CLEC4A: variants seen among roughly 807,000 people sequenced by gnomAD.
The protein encoded by CLEC4A is C-type lectin domain family 4 member A.
In CLEC4A, 27 loss-of-function variants were observed where a neutral mutation model predicts 32.7. The ratio of observed to expected loss-of-function variants is 0.83; its 90% CI spans 0.61 to 1.14. The LOEUF (loss-of-function observed/expected upper bound fraction) is 1.14, where lower values mean the gene tolerates loss of function less well. Among genes scored for constraint, CLEC4A ranks in the 50% most tolerant of loss-of-function variants. The probability of loss-of-function intolerance (pLI) is 0.00; values close to 1 mark genes in which losing one functional copy is unlikely to be tolerated. For synonymous variants in CLEC4A, 89 were observed against 93.7 expected (o/e 0.95, Z 0.29); for missense variants, 253 against 274.6 (o/e 0.92, Z 0.55).
the CLEC4A span, among the ~76,000 whole-genome samples, chr12:8,114,394 G>A: frequency 5.9e-5 from 9 of 152,094 alleles, no homozygotes; most frequent in East Asian, 1.9e-4. Context: ...ACAGGCGCCC[G>A]CCACCACGCC....
the CLEC4A span, among the ~76,000 whole-genome samples, chr12:8,116,886 C>G: frequency 1.3e-5 from 2 of 152,104 alleles, no homozygotes; most frequent in African/African-American, 4.8e-5. Flanking sequence ...TGGGTATCCT[C>G]CATATATTTC....
intron 3 of CLEC4A, chr12:8,134,028 C>T (rs1289369824): frequency 6.2e-7 from 1 of 1,602,210 alleles, no homozygotes; most frequent in Non-Finnish European, 8.5e-7. Flanking sequence ...CAGAACCACA[C>T]TCGGACCACA....
the CLEC4A span, among the ~76,000 whole-genome samples, chr12:8,109,303 G>T: frequency 6.6e-6 from 1 of 151,970 alleles, no homozygotes; most frequent in Non-Finnish European, 1.5e-5. Flanking sequence ...ACTTGAATGG[G>T]GAATATACTT....
At chr12:8,130,437 A>G (rs982656118) in intron 3 of CLEC4A, among the ~76,000 whole-genome samples, 1 of 152,180 alleles carries the variant, frequency 6.6e-6, no homozygotes, top group African/African-American at 2.4e-5. Flanking sequence ...CAGTAGTGTG[A>G]CCACAGCTCA....
intron 3 of CLEC4A, chr12:8,134,777 C>T (rs1437004047): frequency 2.0e-5 from 31 of 1,553,482 alleles, no homozygotes; most frequent in African/African-American, 2.7e-5. Context: ...AGCCCGGCTC[C>T]GGCCCCCCTG....
At chr12:8,127,852 A>G (rs1389581053) in intron 2 of CLEC4A, among the ~76,000 whole-genome samples, 1 of 152,224 alleles carries the variant, frequency 6.6e-6, no homozygotes. Flanking sequence ...TAAGTTTTTC[A>G]AAGAGGTAGA....
At chr12:8,128,599 C>T (rs772581603) in intron 2 of CLEC4A, among the ~76,000 whole-genome samples, 7 of 152,124 alleles carry the variant, frequency 4.6e-5, no homozygotes, top group South Asian at 4.2e-4. Context: ...TGAGTAGAGA[C>T]GAGGTTTCAC....
the CLEC4A span, among the ~76,000 whole-genome samples, chr12:8,108,758 T>C: frequency 1.3e-5 from 2 of 152,218 alleles, no homozygotes; most frequent in Non-Finnish European, 2.9e-5. Flanking sequence ...TCTGAGCCAG[T>C]AGTGAAATAA....
chr12:8,118,691 C>G (rs1351276706), upstream of CLEC4A, among the ~76,000 whole-genome samples: 1 of 152,170 alleles, frequency 6.6e-6, no homozygotes, highest in African/African-American at 2.4e-5. Flanking sequence ...CAGTCACCTC[C>G]TACCAGGCCC....
At chr12:8,112,567 A>T in the CLEC4A span, among the ~76,000 whole-genome samples, 1 of 151,580 alleles carries the variant, frequency 6.6e-6, no homozygotes, top group African/African-American at 2.4e-5. Flanking sequence ...CTCTTTTCAT[A>T]TATTTATTTA....
At chr12:8,120,162 C>T (rs1307688153), upstream of CLEC4A, among the ~76,000 whole-genome samples, 1 of 152,028 alleles carries the variant, frequency 6.6e-6, no homozygotes, top group African/African-American at 2.4e-5. Context: ...TACTGGGGTC[C>T]ATTATGTAGG....
At position 8,136,782 on chromosome 12, in the gene CLEC4A, C is replaced by A; in HGVS notation, c.451-6C>A. 1 of 1,579,248 alleles carries A rather than the reference C, an allele frequency of 6.3e-7. No individual in the cohort carries two copies. Among genetic ancestry groups the A allele is most frequent in the Non-Finnish European group, 8.7e-7 (1 of 1,148,590 alleles). ...AAGGCTGTGACTCCTTCTTTTCCCC[C>A]CTCAGGATTTCATCTTCCAGAATCT... On this transcript the variant is annotated splice_region_variant and splice_polypyrimidine_tract_variant and intron_variant, in intron 4 of 5. Coordinates refer to ENST00000229332, the MANE Select transcript of CLEC4A (RefSeq NM_016184.4).
the CLEC4A span, among the ~76,000 whole-genome samples, chr12:8,104,509 A>G: frequency 6.6e-6 from 1 of 152,200 alleles, no homozygotes; most frequent in South Asian, 2.1e-4. Context: ...CTCTTCAAGA[A>G]ACAATCAAAC....
At chr12:8,122,705 G>GAA, upstream of CLEC4A, among the ~76,000 whole-genome samples, 1 of 152,262 alleles carries the variant, frequency 6.6e-6, no homozygotes, top group South Asian at 2.1e-4. Context: ...TGGGAAGGGA[G>GAA]AAAACTAGAA....
At chr12:8,134,951 G>GTCT in intron 3 of CLEC4A, 1 of 695,336 alleles carries the variant, frequency 1.4e-6, no homozygotes, top group Non-Finnish European at 1.8e-6. Context: ...TTTCAAGCAT[G>GTCT]TCTGTATCTT....
At position 8,135,600 on chromosome 12, in the gene CLEC4A, G is replaced by T. The variant is rs376523552; in HGVS notation, c.314G>T (p.Cys105Phe). The T allele has an allele frequency of 6.2e-7, 1 of 1,614,040 alleles. No homozygotes were observed. Among genetic ancestry groups the T allele is most frequent in the Non-Finnish European group, 8.5e-7 (1 of 1,180,002 alleles). ...CCCAATACAGAGACAGCCTGGAGCTGTTGCCCAAAGAATTGGAAGTCATTT... is the reference window on the plus strand; with the variant it reads ...CCCAATACAGAGACAGCCTGGAGCTTTTGCCCAAAGAATTGGAAGTCATTT... ...NMPVEETAWS[C>F]CPKNWKSFSS... The change falls in exon 4 of 6, where the codon TGT (cysteine) becomes TTT (phenylalanine). Residue 105 changes from cysteine to phenylalanine, a missense_variant. Cys to Phe is a radical substitution (Grantham distance 205). Coordinates refer to ENST00000229332, the MANE Select transcript of CLEC4A (RefSeq NM_016184.4).
chr12:8,107,737 T>C, the CLEC4A span, among the ~76,000 whole-genome samples: 82 of 152,068 alleles, frequency 5.4e-4, no homozygotes, highest in Admixed American at 1.2e-3. Flanking sequence ...AATGCCCTTT[T>C]TGTCATTCTG....
chr12:8,103,191 A>G, the CLEC4A span, among the ~76,000 whole-genome samples: 1 of 151,998 alleles, frequency 6.6e-6, no homozygotes, highest in South Asian at 2.1e-4. Flanking sequence ...TGTTAACCCC[A>G]AAGTAATGTT....
Position 8,125,647 on chromosome 12 carries a change from T to G in CLEC4A, c.169T>G (p.Leu57Val). The part of the protein sequence containing the change: ...CASLLIFFLL[L>V]AISFFIAFVI... ...CTCACTGTTGATATTTTTCCTGCTA[T>G]TGGCAATCTCATTCTTTATTGCTTT... Residue 57 changes from leucine (L) to valine (V), a missense_variant, in exon 2 of 6, where the codon TTG becomes GTG. By Grantham distance (32) the Leu-to-Val change is conservative (BLOSUM62 1). Coordinates refer to ENST00000229332, the MANE Select transcript of CLEC4A (RefSeq NM_016184.4). 1 of 1,611,534 alleles carries G rather than the reference T, an allele frequency of 6.2e-7. No individual in the cohort carries two copies. Among genetic ancestry groups the G allele is most frequent in the Non-Finnish European group, 8.5e-7 (1 of 1,177,660 alleles).
Sources: allele counts gnomAD v4.1 joint callset (sites outside exome capture counted in the v4.1 genomes callset), GRCh38; gene constraint gnomAD v4.1.1; transcripts MANE v1.5; gene names NCBI Gene and HGNC (gene_info 2026-07-23, HGNC 2026-07-21).